The following PPP6R3 variants were observed in gnomAD, a reference collection of about 807,000 sequenced individuals.
PPP6R3 encodes the protein protein phosphatase 6 regulatory subunit 3.
A neutral mutation model predicts 110.7 loss-of-function variants in PPP6R3; 38 were observed. That is an observed-to-expected ratio of 0.34 (90% CI 0.26 to 0.45). PPP6R3 has a LOEUF of 0.45. Among genes scored for constraint, PPP6R3 ranks in the 20% least tolerant of loss-of-function variants. The probability of loss-of-function intolerance (pLI) is 1.00; values close to 1 mark genes in which losing one functional copy is unlikely to be tolerated. For missense variants in PPP6R3, 870 were observed against 1,062.4 expected (o/e 0.82, Z 2.52); for synonymous variants, 369 against 373.5 (o/e 0.99, Z 0.14).
At chr11:68,483,874 C>T (rs1443997450) in intron 1 of PPP6R3, among the ~76,000 whole-genome samples, 5 of 152,328 alleles carry the variant, frequency 3.3e-5, no homozygotes, top group African/African-American at 1.2e-4. Context: ...ATCCTCTGTG[C>T]CTCATCTATT....
At chr11:68,570,810 A>G (rs992952118) in intron 11 of PPP6R3, among the ~76,000 whole-genome samples, 4 of 152,316 alleles carry the variant, frequency 2.6e-5, no homozygotes, top group African/African-American at 9.6e-5. Flanking sequence ...TGCACTACCT[A>G]TAATACTGAG....
intron 11 of PPP6R3, among the ~76,000 whole-genome samples, chr11:68,570,737 G>A (rs1364115053): frequency 6.6e-6 from 1 of 152,122 alleles, no homozygotes; most frequent in Non-Finnish European, 1.5e-5. Context: ...TTATATTTCT[G>A]TTCTGAATTT....
chr11:68,597,377 C>T (rs1370760190), intron 19 of PPP6R3, among the ~76,000 whole-genome samples: 6 of 152,080 alleles, frequency 3.9e-5, no homozygotes, highest in African/African-American at 1.4e-4. Context: ...GTGGCGGGAG[C>T]GAAGGCCAGA....
chr11:68,543,303 G>T (rs866133344), intron 3 of PPP6R3, among the ~76,000 whole-genome samples: 15 of 152,062 alleles, frequency 9.9e-5, no homozygotes, highest in African/African-American at 3.6e-4. Flanking sequence ...GGGATAATGG[G>T]TACTTTACAG....
intron 22 of PPP6R3, among the ~76,000 whole-genome samples, chr11:68,605,726 C>A (rs1053789352): frequency 2.6e-5 from 4 of 152,104 alleles, no homozygotes; most frequent in African/African-American, 9.7e-5. Context: ...TTAGAAATAA[C>A]CTTATATCAA....
At chr11:68,499,576 C>T (rs750381277) in intron 1 of PPP6R3, among the ~76,000 whole-genome samples, 4 of 152,022 alleles carry the variant, frequency 2.6e-5, no homozygotes, top group Non-Finnish European at 5.9e-5. Flanking sequence ...ACATTGTGGA[C>T]TTCTAAAAAA....
At chr11:68,590,589 T>C in intron 16 of PPP6R3, 71 bp from the exon 17 acceptor site, 1 of 1,436,950 alleles carries the variant, frequency 7.0e-7, no homozygotes. Flanking sequence ...ATTTGGAAAC[T>C]TTCATAAATA....
intron 22 of PPP6R3, among the ~76,000 whole-genome samples, chr11:68,604,200 AAACTT>A (rs1938075264): frequency 6.6e-6 from 1 of 152,222 alleles, no homozygotes; most frequent in Non-Finnish European, 1.5e-5. Context: ...ATTATTCTCA[AAACTT>A]AAGTTAAAAG....
At chr11:68,492,360 C>G (rs1262137674) in intron 1 of PPP6R3, among the ~76,000 whole-genome samples, 1 of 152,066 alleles carries the variant, frequency 6.6e-6, no homozygotes, top group Non-Finnish European at 1.5e-5. Context: ...GCTATGTTGC[C>G]CAGGCTGGTC....
chr11:68,520,231 C>T lies in PPP6R3; in HGVS notation c.-7+580C>T, dbSNP rs564321390. Among the ~76,000 whole-genome samples, 4 of 152,268 alleles carry T rather than the reference C, an allele frequency of 2.6e-5. No homozygotes were observed. In the South Asian group the frequency reaches 8.3e-4, roughly 32 times the overall value. The stretch of plus-strand genomic sequence containing the variant: ...TAGTTAATCAAATTTCACTTGTCCC[C>T]ATTGTATCTCTAGAAGGTAGACAAA... On this transcript the variant is annotated intron_variant, in intron 2 of 23. Transcript: ENST00000393800.
intron 22 of PPP6R3, among the ~76,000 whole-genome samples, chr11:68,605,442 A>G (rs1490551343): frequency 2.0e-5 from 3 of 152,250 alleles, no homozygotes; most frequent in African/African-American, 7.2e-5. Flanking sequence ...TTCAATGAGG[A>G]AAGAGTGGAC....
chr11:68,465,377 T>C (rs2098738589), intron 1 of PPP6R3, among the ~76,000 whole-genome samples: 1 of 152,204 alleles, frequency 6.6e-6, no homozygotes, highest in East Asian at 1.9e-4. Context: ...TCTTTTCTCC[T>C]GGGGAGATGA....
chr11:68,521,604 C>A (rs1176638028), intron 2 of PPP6R3, among the ~76,000 whole-genome samples: 2 of 152,158 alleles, frequency 1.3e-5, no homozygotes, highest in Admixed American at 1.3e-4. Context: ...TGGAGAGGAA[C>A]AGCACTGTAG....
chr11:68,481,069 C>G (rs1360486698), intron 1 of PPP6R3, among the ~76,000 whole-genome samples: 1 of 151,858 alleles, frequency 6.6e-6, no homozygotes, highest in African/African-American at 2.4e-5. Context: ...TGAGCCAAAT[C>G]TGTCTCGAGG....
Position 68,537,807 on chromosome 11 carries a change from T to C in PPP6R3, c.143T>C (p.Leu48Pro). ...KAQNRKLIEF[L>P]LKAECLEDLV... Reference sequence around the variant, plus strand: ...CAGAACCGCAAACTTATAGAGTTTCTGTTAAAAGCAGAATGTCTCGAAGAT... The same window carrying C: ...CAGAACCGCAAACTTATAGAGTTTCCGTTAAAAGCAGAATGTCTCGAAGAT... The change falls in exon 3 of 24, where the codon CTG becomes CCG. Residue 48 changes from leucine (L) to proline (P), a missense_variant. By Grantham distance (98) the Leu-to-Pro change is moderately conservative (BLOSUM62 -3). Coordinates refer to ENST00000393800, the MANE Select transcript of PPP6R3 (RefSeq NM_001164161.2). 6.2e-7 allele frequency: 1 copy of C among 1,614,108 alleles called. No homozygotes were observed.
intron 19 of PPP6R3, among the ~76,000 whole-genome samples, chr11:68,599,989 GC>G (rs781655769): frequency 6.6e-6 from 1 of 152,218 alleles, no homozygotes; most frequent in Non-Finnish European, 1.5e-5. Flanking sequence ...AGGCGTGATG[GC>G]GGGTGCCAGT....
Position 68,571,354 on chromosome 11 carries a change from G to T in PPP6R3, c.1343+250G>T, listed in dbSNP as rs2153786546. ...TGTTCCCCACCTCTGTGCTGCCTTT[G>T]AAACTTCCTGGTCCTTTTTGAATGG... On this transcript the variant is annotated intron_variant, in intron 12 of 23. Coordinates refer to ENST00000393800, the MANE Select transcript of PPP6R3 (RefSeq NM_001164161.2). 2 of 429,748 alleles carry T rather than the reference G, an allele frequency of 4.7e-6. 1 individual carries two copies. The highest frequency in any genetic ancestry group is 8.0e-6 in the Non-Finnish European group (2 of 249,220). The allele number at this position is 429,748 out of a possible 1,614,324, so 26.6% of individuals were successfully genotyped here.
intron 1 of PPP6R3, among the ~76,000 whole-genome samples, chr11:68,508,095 T>C (rs909454508): frequency 6.7e-5 from 10 of 149,854 alleles, no homozygotes; most frequent in African/African-American, 1.2e-4. Context: ...CTGCTTTTTT[T>C]CCCCGGCCTA....
chr11:68,520,860 C>G (rs1208512866), intron 2 of PPP6R3, among the ~76,000 whole-genome samples: 1 of 152,120 alleles, frequency 6.6e-6, no homozygotes, highest in Non-Finnish European at 1.5e-5. Flanking sequence ...CAATCTCCAC[C>G]TCCCGGGTTC....
Sources: gnomAD v4.1 joint callset for allele counts (sites outside exome capture counted in the v4.1 genomes callset) on GRCh38, gnomAD v4.1.1 for gene constraint, MANE v1.5 for transcripts, NCBI Gene and HGNC (gene_info 2026-07-23, HGNC 2026-07-21) for gene names.